NOTCH1: variants seen among roughly 807,000 people sequenced by gnomAD.
NOTCH1 encodes the protein neurogenic locus notch homolog protein 1.
A neutral mutation model predicts 254.8 loss-of-function variants in NOTCH1; 37 were observed. That is an observed-to-expected ratio of 0.15 (90% CI 0.11 to 0.19). The LOEUF (loss-of-function observed/expected upper bound fraction) is 0.19, where lower values mean the gene tolerates loss of function less well. Ranked by LOEUF, NOTCH1 falls within the 10% of genes least tolerant of loss-of-function variation. NOTCH1 has a pLI of 1.00. For synonymous variants in NOTCH1, 1,731 were observed against 1,618.1 expected (o/e 1.07, Z -1.68); for missense variants, 2,972 against 3,708.6 (o/e 0.80, Z 5.16).
chr9:136,507,003 A>G (rs759355118), intron 22 of NOTCH1, 30 bp from the exon 23 acceptor site: 3 of 1,551,108 alleles, frequency 1.9e-6, no homozygotes, highest in South Asian at 2.4e-5. Flanking sequence ...CAGTGGCCCA[A>G]GCCCGCCACA....
At chr9:136,522,405 C>T (rs969110330) in intron 4 of NOTCH1, among the ~76,000 whole-genome samples, 6 of 152,214 alleles carry the variant, frequency 3.9e-5, no homozygotes, top group East Asian at 1.9e-4. Context: ...CACGGGCAGG[C>T]GGCTGCGCCT....
At chr9:136,504,221 G>C (rs1264814498) in intron 26 of NOTCH1, among the ~76,000 whole-genome samples, 7 of 152,234 alleles carry the variant, frequency 4.6e-5, no homozygotes, top group African/African-American at 1.7e-4. Flanking sequence ...AAAAAAAACA[G>C]AGACAAGGTC....
At chr9:136,507,873 C>T (rs1843113534) in intron 21 of NOTCH1, 82 bp downstream of exon 21, 1 of 1,456,968 alleles carries the variant, frequency 6.9e-7, no homozygotes, top group African/African-American at 1.4e-5. Context: ...CAGTTTTCTC[C>T]ACTGGGCCAG....
Position 136,508,046 on chromosome 9 carries a change from C to T in NOTCH1, c.3419G>A (p.Ser1140Asn). 6.2e-7 allele frequency: 1 copy of T among 1,612,152 alleles called. No homozygotes were observed. The highest frequency in any genetic ancestry group is 8.5e-7 in the Non-Finnish European group (1 of 1,180,004). The change falls in exon 21 of 34, where the codon AGC becomes AAC. Residue 1140 changes from serine to asparagine, a missense_variant. Physicochemically the swap from Ser to Asn is conservative, Grantham distance 46. Coordinates refer to ENST00000651671, the MANE Select transcript of NOTCH1 (RefSeq NM_017617.5). Reference sequence around the variant, plus strand: ...CTCGTCCACCAGGTCCTCACAGTAGCTGCCTGTGTAGCCCGCCTGGCAGCG... The same window carrying T: ...CTCGTCCACCAGGTCCTCACAGTAGTTGCCTGTGTAGCCCGCCTGGCAGCG... ...HCRCQAGYTG[S>N]YCEDLVDECS...
In NOTCH1 at chr9:136,496,640, C is replaced by G; in HGVS notation, c.7099G>C (p.Gly2367Arg). The change falls in exon 34 of 34, where the codon GGC becomes CGC. Residue 2367 changes from glycine to arginine, a missense_variant. By Grantham distance (125) the Gly-to-Arg change is moderately radical. This residue lies in a region of NOTCH1 where 529 missense variants were observed against 529.2 expected (regional missense o/e 1.00). Transcript: ENST00000651671. ...SALSQMMSYQGLPSTRLATQP... is the reference protein window; with the variant it reads ...SALSQMMSYQRLPSTRLATQP... The stretch of plus-strand genomic sequence containing the variant: ...GTGGCCAGCCGGGTGCTGGGCAGGC[C>G]CTGGTAGCTCATCATCTGGGACAGG... 6.2e-7 allele frequency: 1 copy of G among 1,613,092 alleles called. No homozygotes were observed. Among genetic ancestry groups the G allele is most frequent in the Middle Eastern group, 1.7e-4 (1 of 6,056 alleles).
Position 136,496,644 on chromosome 9 carries a change from G to A in NOTCH1, c.7095C>T (p.Tyr2365=). 2 of 1,613,120 alleles carry A rather than the reference G, an allele frequency of 1.2e-6. No homozygotes were observed. Among genetic ancestry groups the A allele is most frequent in the African/African-American group, 1.3e-5 (1 of 75,066 alleles). ...CCAGCCGGGTGCTGGGCAGGCCCTG[G>A]TAGCTCATCATCTGGGACAGGGCGC... ...AASALSQMMS[Y]QGLPSTRLAT... Residue 2365 remains tyrosine, a synonymous_variant, in exon 34 of 34, where the codon TAC becomes TAT. Coordinates refer to ENST00000651671, the MANE Select transcript of NOTCH1 (RefSeq NM_017617.5).
At position 136,496,963 on chromosome 9, in the gene NOTCH1, C is replaced by A; in HGVS notation, c.6776G>T (p.Gly2259Val). 2 of 1,610,814 alleles carry A rather than the reference C, an allele frequency of 1.2e-6. No homozygotes were observed. The highest frequency in any genetic ancestry group is 1.7e-6 in the Non-Finnish European group (2 of 1,179,250). The part of the protein sequence containing the change: ...VAAKPEMAAL[G>V]GGGRLAFETG... ...CTCAAAGGCCAGCCGGCCGCCCCCA[C>A]CCAGCGCCGCCATCTCGGGCTTGGC... Residue 2259 changes from glycine to valine, a missense_variant, in exon 34 of 34, where the codon GGT becomes GTT. By Grantham distance (109) the Gly-to-Val change is moderately radical. Coordinates refer to ENST00000651671, the MANE Select transcript of NOTCH1 (RefSeq NM_017617.5).
chr9:136,538,010 G>T (rs138251254), intron 2 of NOTCH1, among the ~76,000 whole-genome samples: 11 of 152,302 alleles, frequency 7.2e-5, no homozygotes, highest in Admixed American at 4.6e-4. Context: ...AATCTGGGAG[G>T]CAGAGGTTAC....
intron 2 of NOTCH1, among the ~76,000 whole-genome samples, chr9:136,527,464 C>G (rs1219973940): frequency 6.6e-6 from 1 of 152,256 alleles, no homozygotes; most frequent in Non-Finnish European, 1.5e-5. Flanking sequence ...CTGCCGCGCC[C>G]ACGGGGATCC....
chr9:136,495,004 C>T lies in NOTCH1; in HGVS notation c.*1067G>A, dbSNP rs1448495283. ...ACGGCGTTGCACAGCTCAATGTGCCCGGCTCTGGCAAGTCTCCTACAAAAC... is the reference window on the plus strand; with the variant it reads ...ACGGCGTTGCACAGCTCAATGTGCCTGGCTCTGGCAAGTCTCCTACAAAAC... On this transcript the variant is annotated 3_prime_UTR_variant, in exon 34 of 34. Transcript: ENST00000651671. 1.3e-5 allele frequency: 5 copies of T among 398,752 alleles called. No individual in the cohort carries two copies. The highest frequency in any genetic ancestry group is 4.1e-5 in the African/African-American group (2 of 48,618). The allele number at this position is 398,752 out of a possible 1,614,324, so 24.7% of individuals were successfully genotyped here. A position where few individuals can be genotyped will look rare whatever the true frequency, so the allele number is the denominator to read the frequency against.
intron 2 of NOTCH1, among the ~76,000 whole-genome samples, chr9:136,536,795 C>T (rs1281676150): frequency 6.6e-6 from 1 of 152,246 alleles, no homozygotes; most frequent in East Asian, 1.9e-4. Context: ...TCTTAAGGGG[C>T]ATGCTCCTCC....
intron 2 of NOTCH1, among the ~76,000 whole-genome samples, chr9:136,527,762 G>A (rs1843488507): frequency 6.6e-6 from 1 of 152,202 alleles, no homozygotes; most frequent in East Asian, 1.9e-4. Flanking sequence ...ACGCTCAGTG[G>A]CCTGGCGGCG....
chr9:136,543,959 G>A (rs116020722), intron 2 of NOTCH1, 65 bp downstream of exon 2: 5 of 1,418,618 alleles, frequency 3.5e-6, no homozygotes, highest in Admixed American at 2.0e-5. Flanking sequence ...TGTCCCCTGC[G>A]CGGCTGCAGA....
At chr9:136,520,840 G>A (rs117803933) in intron 4 of NOTCH1, among the ~76,000 whole-genome samples, 2,679 of 152,246 alleles carry the variant, frequency 0.018, 31 homozygotes, top group Non-Finnish European at 0.027. Flanking sequence ...CTGGGCCTGC[G>A]ACCCCAGGGC....
Position 136,500,634 on chromosome 9 carries a change from C to T in NOTCH1, c.5852G>A (p.Ser1951Asn), listed in dbSNP as rs758019601. The T allele has an allele frequency of 6.2e-7, 1 of 1,612,052 alleles. No individual in the cohort carries two copies. ...SDAAKRLLEA[S>N]ADANIQDNMG... The stretch of plus-strand genomic sequence containing the variant: ...GTTGTCCTGGATGTTGGCATCTGCG[C>T]TGGCCTCCAGCAGGCGCTTGGCGGC... Residue 1951 changes from serine to asparagine, a missense_variant, in exon 31 of 34, where the codon AGC (serine) becomes AAC (asparagine). Physicochemically the swap from Ser to Asn is conservative, Grantham distance 46. Coordinates refer to ENST00000651671, the MANE Select transcript of NOTCH1 (RefSeq NM_017617.5).
intron 2 of NOTCH1, among the ~76,000 whole-genome samples, chr9:136,538,544 C>T (rs774886356): frequency 2.6e-5 from 4 of 152,216 alleles, no homozygotes; most frequent in South Asian, 2.1e-4. Context: ...AACTCGAGGC[C>T]GTCAAACGCA....
chr9:136,544,591 G>T (rs1281930090), intron 1 of NOTCH1, among the ~76,000 whole-genome samples: 1 of 150,266 alleles, frequency 6.7e-6, no homozygotes, highest in Admixed American at 6.6e-5. Context: ...CTCAGCTCCC[G>T]CCCGTGGGAA....
intron 15 of NOTCH1, among the ~76,000 whole-genome samples, chr9:136,512,399 G>A (rs1843195463): frequency 6.6e-6 from 1 of 152,196 alleles, no homozygotes; most frequent in African/African-American, 2.4e-5. Context: ...CAGGACCCCG[G>A]TGCTTGTGGA....
chr9:136,497,065 T>G lies in NOTCH1; in HGVS notation c.6674A>C (p.Gln2225Pro), dbSNP rs767393831. ...GTGGTTGAGGGGCACGGACGGAGAC[T>G]GCTGGAACGGGGAGGGCAGCAGTGG... ...SPPLLPSPFQQSPSVPLNHLP... is the reference protein window; with the variant it reads ...SPPLLPSPFQPSPSVPLNHLP... Residue 2225 changes from glutamine to proline, a missense_variant, in exon 34 of 34, where the codon CAG becomes CCG. By Grantham distance (76) the Gln-to-Pro change is moderately conservative. Around this residue, in one of 8 missense-constraint regions of NOTCH1, gnomAD observed 529 missense variants for 529.2 expected, o/e 1.00. Coordinates refer to ENST00000651671, the MANE Select transcript of NOTCH1 (RefSeq NM_017617.5). 6.2e-7 allele frequency: 1 copy of G among 1,609,592 alleles called. No homozygotes were observed. Among genetic ancestry groups the G allele is most frequent in the Non-Finnish European group, 8.5e-7 (1 of 1,178,078 alleles).
Sources: allele counts gnomAD v4.1 joint callset (sites outside exome capture counted in the v4.1 genomes callset), GRCh38; gene constraint gnomAD v4.1.1; regional missense constraint gnomAD v4.1.1; transcripts MANE v1.5; gene names NCBI Gene and HGNC (gene_info 2026-07-23, HGNC 2026-07-21).